The following LRRTM4 variants were observed in gnomAD, a reference collection of about 807,000 sequenced individuals.
LRRTM4 encodes leucine rich repeat transmembrane neuronal 4.
Under a neutral mutation model 47.6 loss-of-function variants are expected in LRRTM4, and 25 were observed. The ratio of observed to expected loss-of-function variants is 0.53; its 90% CI spans 0.38 to 0.73. The LOEUF is 0.73. Ranked by LOEUF, LRRTM4 falls within the 30% of genes least tolerant of loss-of-function variation. LRRTM4 has a pLI of 0.00. For synonymous variants in LRRTM4, 311 were observed against 269.5 expected (o/e 1.15, Z -1.51); for missense variants, 638 against 713.4 (o/e 0.89, Z 1.20).
rs191987715 is a variant in LRRTM4 at position 77,324,613 on chromosome 2, G to A, written c.1551+193705C>T. On this transcript the variant is annotated intron_variant, in intron 3 of 3. Coordinates refer to ENST00000409884, the MANE Select transcript of LRRTM4 (RefSeq NM_001134745.3). ...CTTAGGAAACTCTTAACATCTTCTTGTAGTTATAATAGAGTGAGGTATGGA... is the reference window on the plus strand; with the variant it reads ...CTTAGGAAACTCTTAACATCTTCTTATAGTTATAATAGAGTGAGGTATGGA... Among the ~76,000 whole-genome samples the A allele has an allele frequency of 4.9e-4, 74 of 152,254 alleles. 2 individuals are homozygous for A. In the East Asian group the frequency reaches 0.01, roughly 21 times the overall value.
Position 76,967,470 on chromosome 2 carries a change from A to G in LRRTM4, c.1552-218554T>C, listed in dbSNP as rs574341936. Among the ~76,000 whole-genome samples, 155 of 151,502 alleles carry G rather than the reference A, an allele frequency of 1.0e-3. 1 individual carries two copies. Among genetic ancestry groups the G allele is most frequent in the Non-Finnish European group, 9.9e-4 (67 of 67,702 alleles). On this transcript the variant is annotated intron_variant, in intron 3 of 3. Transcript: ENST00000409884. Reference sequence around the variant, plus strand: ...AAGGTCACTCAGTGATCCTCCTCCCAGGGCCTACAGAGCAAGTTTAATCTC... The same window carrying G: ...AAGGTCACTCAGTGATCCTCCTCCCGGGGCCTACAGAGCAAGTTTAATCTC...
chr2:76,772,062 A>T (rs1490026531), intron 3 of LRRTM4, among the ~76,000 whole-genome samples: 1 of 152,192 alleles, frequency 6.6e-6, no homozygotes, highest in Non-Finnish European at 1.5e-5. Flanking sequence ...CTAAATTTCT[A>T]TGTTGAGATC....
chr2:77,219,712 A>T (rs1327838364), intron 3 of LRRTM4, among the ~76,000 whole-genome samples: 1 of 152,214 alleles, frequency 6.6e-6, no homozygotes, highest in African/African-American at 2.4e-5. Context: ...CCATTCTTTT[A>T]CGCAGCAGCT....
At chr2:77,478,102 C>T (rs567859545) in intron 3 of LRRTM4, among the ~76,000 whole-genome samples, 2 of 152,154 alleles carry the variant, frequency 1.3e-5, no homozygotes, top group East Asian at 3.9e-4. Context: ...TAAGATTTTA[C>T]AGAATCAAAA....
chr2:77,234,550 T>G (rs898950107), intron 3 of LRRTM4, among the ~76,000 whole-genome samples: 1 of 152,226 alleles, frequency 6.6e-6, no homozygotes, highest in Non-Finnish European at 1.5e-5. Context: ...TGTAATTATA[T>G]GCTAAAATTT....
At chr2:76,793,324 T>C (rs116681106) in intron 3 of LRRTM4, among the ~76,000 whole-genome samples, 187 of 152,302 alleles carry the variant, frequency 1.2e-3, no homozygotes, top group African/African-American at 4.1e-3. Context: ...CCTCTGGCTA[T>C]TCAATGACAG....
intron 3 of LRRTM4, among the ~76,000 whole-genome samples, chr2:77,467,318 T>A (rs547838076): frequency 6.6e-6 from 1 of 152,194 alleles, no homozygotes; most frequent in Admixed American, 6.5e-5. Flanking sequence ...CTCAGCCCCA[T>A]CCACGGACAG....
intron 3 of LRRTM4, among the ~76,000 whole-genome samples, chr2:76,801,354 G>T (rs113073059): frequency 0.12 from 18,867 of 151,918 alleles, 1,410 homozygotes; most frequent in East Asian, 0.29. Flanking sequence ...ATGAGTTCAC[G>T]TCCTTTGTAG....
chr2:76,807,397 T>TAA (rs1558667186), intron 3 of LRRTM4, among the ~76,000 whole-genome samples: 2 of 120,548 alleles, frequency 1.7e-5, no homozygotes, highest in Non-Finnish European at 3.2e-5. Flanking sequence ...TATATATATA[T>TAA]ATGTATATAC....
chr2:77,205,727 C>T (rs909593803), intron 3 of LRRTM4, among the ~76,000 whole-genome samples: 2 of 152,042 alleles, frequency 1.3e-5, no homozygotes, highest in African/African-American at 4.8e-5. Flanking sequence ...TTAGGTTATT[C>T]GAAAAATCAT....
At chr2:77,159,427 C>T (rs542332474) in intron 3 of LRRTM4, among the ~76,000 whole-genome samples, 49 of 149,470 alleles carry the variant, frequency 3.3e-4, no homozygotes, top group African/African-American at 8.1e-4. Flanking sequence ...ATGTAAATGA[C>T]GAATTAATGG....
At chr2:77,315,683 T>A (rs1024066930) in intron 3 of LRRTM4, among the ~76,000 whole-genome samples, 10 of 152,160 alleles carry the variant, frequency 6.6e-5, no homozygotes, top group Non-Finnish European at 1.5e-4. Context: ...AAGAGCAATA[T>A]AATTGTACAT....
At position 77,412,101 on chromosome 2, in the gene LRRTM4, G is replaced by T. The variant is rs546233824; in HGVS notation, c.1551+106217C>A. ...CTTGTCCCTGAATTCCACAGGCTGA[G>T]TTCTACCTTTGATTTGCATTATTCG... On this transcript the variant is annotated intron_variant, in intron 3 of 3. Transcript: ENST00000409884. 4.0e-5 allele frequency among the ~76,000 whole-genome samples: 6 copies of T among 150,646 alleles called. No individual in the cohort carries two copies. The South Asian group carries it at 6.3e-4, about 16-fold the overall frequency.
chr2:77,290,275 T>A (rs1676784985), intron 3 of LRRTM4, among the ~76,000 whole-genome samples: 2 of 152,120 alleles, frequency 1.3e-5, no homozygotes, highest in Middle Eastern at 3.4e-3. Context: ...TTCAATGGTG[T>A]CTCATTGCCT....
intron 3 of LRRTM4, among the ~76,000 whole-genome samples, chr2:76,757,997 T>C (rs1023643096): frequency 6.6e-6 from 1 of 152,010 alleles, no homozygotes; most frequent in Non-Finnish European, 1.5e-5. Context: ...CATTACAGAG[T>C]TTTCCATTCA....
At chr2:77,033,149 C>G (rs1678720138) in intron 3 of LRRTM4, among the ~76,000 whole-genome samples, 1 of 151,964 alleles carries the variant, frequency 6.6e-6, no homozygotes, top group South Asian at 2.1e-4. Flanking sequence ...ACTTCAGCTA[C>G]AGAGAGAGAA....
intron 3 of LRRTM4, among the ~76,000 whole-genome samples, chr2:77,026,014 G>A (rs1678441259): frequency 1.3e-5 from 2 of 152,014 alleles, no homozygotes; most frequent in African/African-American, 4.8e-5. Flanking sequence ...TGTGCAATGG[G>A]GGAACAATGA....
intron 3 of LRRTM4, among the ~76,000 whole-genome samples, chr2:77,242,078 C>A (rs189679545): frequency 1.3e-5 from 2 of 152,134 alleles, no homozygotes; most frequent in East Asian, 3.9e-4. Flanking sequence ...AAATATGAAA[C>A]CTCAGCATTG....
intron 3 of LRRTM4, among the ~76,000 whole-genome samples, chr2:76,964,003 A>G (rs1436483340): frequency 1.3e-5 from 2 of 151,004 alleles, no homozygotes; most frequent in Non-Finnish European, 3.0e-5. Context: ...CATTAAATTT[A>G]TATACAATCA....
Sources: allele counts gnomAD v4.1 joint callset (sites outside exome capture counted in the v4.1 genomes callset), GRCh38; gene constraint gnomAD v4.1.1; transcripts MANE v1.5; gene names NCBI Gene and HGNC (gene_info 2026-07-23, HGNC 2026-07-21).